The following OSBPL11 variants were observed in gnomAD, a reference collection of about 807,000 sequenced individuals.
OSBPL11 encodes oxysterol binding protein like 11, also known as oxysterol-binding protein-related protein 11.
In OSBPL11, 33 loss-of-function variants were observed where a neutral mutation model predicts 84.4. The ratio of observed to expected loss-of-function variants is 0.39; its 90% CI spans 0.30 to 0.52. The LOEUF is 0.52. OSBPL11 is among the 20% of genes least tolerant of loss of function. The probability of loss-of-function intolerance (pLI) is 0.72; values close to 1 mark genes in which losing one functional copy is unlikely to be tolerated. For synonymous variants in OSBPL11, 276 were observed against 310.2 expected, an observed-to-expected ratio of 0.89 and a Z score of 1.16; for missense variants, 736 against 901.1, an observed-to-expected ratio of 0.82 and a Z score of 2.35.
chr3:125,562,456 C>G (rs190904497), intron 7 of OSBPL11, among the ~76,000 whole-genome samples: 3 of 152,256 alleles, frequency 2.0e-5, no homozygotes, highest in East Asian at 1.9e-4. Flanking sequence ...CCCTGCCAAC[C>G]CTTGCCTGCA....
chr3:125,570,920 C>A (rs1401233082), intron 5 of OSBPL11, among the ~76,000 whole-genome samples: 1 of 152,140 alleles, frequency 6.6e-6, no homozygotes, highest in Admixed American at 6.6e-5. Context: ...AAAAGATACC[C>A]AAAAATGTGG....
At chr3:125,539,330 T>C (rs1935690933) in intron 10 of OSBPL11, among the ~76,000 whole-genome samples, 1 of 120,990 alleles carries the variant, frequency 8.3e-6, no homozygotes, top group Non-Finnish European at 1.6e-5. Context: ...TATATATATA[T>C]ATATATATAT....
intron 10 of OSBPL11, among the ~76,000 whole-genome samples, chr3:125,541,245 T>G (rs1287407023): frequency 6.6e-6 from 1 of 152,232 alleles, no homozygotes; most frequent in Non-Finnish European, 1.5e-5. Flanking sequence ...GTAAGCTCTT[T>G]AACAGGCATG....
At chr3:125,559,618 G>A (rs1233242870) in intron 8 of OSBPL11, among the ~76,000 whole-genome samples, 3 of 152,124 alleles carry the variant, frequency 2.0e-5, no homozygotes, top group Admixed American at 1.3e-4. Context: ...CTGACCTCAA[G>A]TGATCCGCCC....
chr3:125,553,481 AAGAT>A (rs1193147648), intron 8 of OSBPL11, among the ~76,000 whole-genome samples: 1 of 151,012 alleles, frequency 6.6e-6, no homozygotes, highest in Non-Finnish European at 1.5e-5. Flanking sequence ...AAGTGTAAGA[AAGAT>A]AAATATTTTA....
At chr3:125,584,042 G>A (rs1385204783) in intron 1 of OSBPL11, among the ~76,000 whole-genome samples, 2 of 152,012 alleles carry the variant, frequency 1.3e-5, no homozygotes, top group African/African-American at 2.4e-5. Flanking sequence ...TCTGTTTTAG[G>A]TACTTAGTAC....
Position 125,582,893 on chromosome 3 carries a change from CAAAT to C in OSBPL11, c.233+13_233+16del. 1 of 1,561,178 alleles carries C rather than the reference CAAAT, an allele frequency of 6.4e-7. No homozygotes were observed. Among genetic ancestry groups the C allele is most frequent in the East Asian group, 2.3e-5 (1 of 43,388 alleles). The stretch of plus-strand genomic sequence containing the variant: ...TCTCTTAGGAGAGACTGATGTGACA[CAAAT>C]AATCACACTTACCTGTACTGCCACC... On this transcript the variant is annotated intron_variant, in intron 2 of 12. Coordinates refer to ENST00000296220, the MANE Select transcript of OSBPL11 (RefSeq NM_022776.5).
At chr3:125,594,566 G>A (rs1283485888) in intron 1 of OSBPL11, 71 bp downstream of exon 1, 1 of 1,513,976 alleles carries the variant, frequency 6.6e-7, no homozygotes, top group African/African-American at 1.4e-5. Context: ...CAACAATTGC[G>A]GGATGCAGCC....
chr3:125,579,401 T>C (rs1325396193), intron 3 of OSBPL11, among the ~76,000 whole-genome samples: 1 of 152,254 alleles, frequency 6.6e-6, no homozygotes, highest in African/African-American at 2.4e-5. Flanking sequence ...ATTACCATTA[T>C]ACTTTGTGTA....
chr3:125,556,354 T>A (rs1273974332), intron 8 of OSBPL11, among the ~76,000 whole-genome samples: 1 of 152,212 alleles, frequency 6.6e-6, no homozygotes, highest in Non-Finnish European at 1.5e-5. Flanking sequence ...CTGGTGAAGT[T>A]CTTAGTCTCC....
chr3:125,590,408 G>C (rs1936578818), intron 1 of OSBPL11, among the ~76,000 whole-genome samples: 1 of 152,112 alleles, frequency 6.6e-6, no homozygotes, highest in Non-Finnish European at 1.5e-5. Context: ...AAATCAGCCG[G>C]GTGTGGTGGC....
intron 5 of OSBPL11, 52 bp downstream of exon 5, chr3:125,576,137 A>C: frequency 6.6e-7 from 1 of 1,519,780 alleles, no homozygotes. Flanking sequence ...TGACAAAACC[A>C]AGCAGGTAAA....
At chr3:125,591,038 G>T (rs554876079) in intron 1 of OSBPL11, among the ~76,000 whole-genome samples, 3 of 152,144 alleles carry the variant, frequency 2.0e-5, no homozygotes, top group Non-Finnish European at 4.4e-5. Flanking sequence ...CCAGAGTTGG[G>T]AGGATTAAAT....
intron 5 of OSBPL11, among the ~76,000 whole-genome samples, chr3:125,575,700 T>TA (rs1210666594): frequency 4.9e-4 from 72 of 147,862 alleles, no homozygotes; most frequent in South Asian, 1.1e-3. Flanking sequence ...CAGCTAAAAT[T>TA]AAAAAAAAAA....
chr3:125,592,070 A>AT (rs777837394), intron 1 of OSBPL11, among the ~76,000 whole-genome samples: 89 of 121,384 alleles, frequency 7.3e-4, no homozygotes, highest in Admixed American at 2.8e-3. Context: ...TATTTATTTA[A>AT]CTATTTTTGA....
chr3:125,540,896 AG>A (rs1264112920), intron 10 of OSBPL11, among the ~76,000 whole-genome samples: 1 of 152,200 alleles, frequency 6.6e-6, no homozygotes, highest in African/African-American at 2.4e-5. Context: ...CTTGCAAAGG[AG>A]CATGAGGAGG....
chr3:125,550,733 T>A (rs181348966), intron 9 of OSBPL11, among the ~76,000 whole-genome samples: 57 of 152,348 alleles, frequency 3.7e-4, no homozygotes, highest in African/African-American at 1.3e-3. Flanking sequence ...TTTTTGTTTT[T>A]GTTTCATATT....
Position 125,595,143 on chromosome 3 carries a change from C to T in OSBPL11, c.-343G>A, listed in dbSNP as rs1936662946. The T allele has an allele frequency of 5.5e-6, 1 of 182,408 alleles. No individual in the cohort carries two copies. The highest frequency in any genetic ancestry group is 1.2e-5 in the Non-Finnish European group (1 of 85,964). The allele number at this position is 182,408 out of a possible 1,614,324, so 11.3% of individuals were successfully genotyped here. On this transcript the variant is annotated 5_prime_UTR_variant, in exon 1 of 13. Coordinates refer to ENST00000296220, the MANE Select transcript of OSBPL11 (RefSeq NM_022776.5). ...GAGGTCGCAGATTCTGTAGCCAAGA[C>T]GGCTGGGAAAAGGACGGAGCGCCAC...
chr3:125,554,437 C>A (rs1469580589), intron 8 of OSBPL11, among the ~76,000 whole-genome samples: 1 of 152,212 alleles, frequency 6.6e-6, no homozygotes, highest in Non-Finnish European at 1.5e-5. Context: ...GACACCAAGT[C>A]TCCCAACAAA....
Sources: allele counts gnomAD v4.1 joint callset (sites outside exome capture counted in the v4.1 genomes callset), GRCh38; gene constraint gnomAD v4.1.1; transcripts MANE v1.5; gene names NCBI Gene and HGNC (gene_info 2026-07-23, HGNC 2026-07-21).